EEF1A1: variants seen among roughly 807,000 people sequenced by gnomAD.
The protein encoded by EEF1A1 is elongation factor 1-alpha 1.
In EEF1A1, 1 loss-of-function variant was observed where a neutral mutation model predicts 38.5. That is an observed-to-expected ratio of 0.03 (90% CI 0.01 to 0.12). The LOEUF is 0.12. EEF1A1 is among the 10% of genes least tolerant of loss of function. The probability of loss-of-function intolerance (pLI) is 1.00; values close to 1 mark genes in which losing one functional copy is unlikely to be tolerated. For synonymous variants in EEF1A1, 229 were observed against 203.7 expected (o/e 1.12, Z -1.06); for missense variants, 184 against 588.3 (o/e 0.31, Z 7.11).
intron 1 of EEF1A1, chr6:73,520,283 G>A (rs778364666): frequency 2.9e-5 from 12 of 419,402 alleles, no homozygotes; most frequent in Admixed American, 4.2e-5. Context: ...GTGCCTGGAC[G>A]GCGCCCGGTA....
chr6:73,520,105 G>A, intron 1 of EEF1A1, 49 bp from the exon 2 acceptor site: 3 of 1,520,822 alleles, frequency 2.0e-6, no homozygotes, highest in Non-Finnish European at 2.6e-6. Flanking sequence ...GCTTGAGAAT[G>A]AACCAAGATC....
chr6:73,519,661 A>G (rs1235372999), intron 2 of EEF1A1, 145 bp from the exon 3 acceptor site: 5 of 1,180,242 alleles, frequency 4.2e-6, no homozygotes, highest in East Asian at 4.7e-5. Flanking sequence ...AGAAGCAACC[A>G]AAAATCAAAC....
At chr6:73,519,721 A>G (rs1362491711) in intron 2 of EEF1A1, among the ~76,000 whole-genome samples, 162 bp downstream of exon 2, 1 of 152,208 alleles carries the variant, frequency 6.6e-6, no homozygotes, top group Admixed American at 6.5e-5. Context: ...CTCACTAGCA[A>G]TACGATTACA....
In EEF1A1 at chr6:73,519,240, G is replaced by T. The variant is rs776665070; in HGVS notation, c.325-12C>A. On this transcript the variant is annotated splice_polypyrimidine_tract_variant and intron_variant, in intron 3 of 7. Coordinates refer to ENST00000309268, the MANE Select transcript of EEF1A1 (RefSeq NM_001402.6). ...ACAGCACAGTCAGCCTTTAAAGAAA[G>T]CAAAGACATATCCCTGTCAACTCTC... 2.6e-5 allele frequency: 41 copies of T among 1,607,618 alleles called. No homozygotes were observed. Among genetic ancestry groups the T allele is most frequent in the Non-Finnish European group, 3.5e-5 (41 of 1,177,666 alleles).
chr6:73,520,106 A>G, intron 1 of EEF1A1, 50 bp from the exon 2 acceptor site: 1 of 1,519,130 alleles, frequency 6.6e-7, no homozygotes, highest in Non-Finnish European at 8.8e-7. Flanking sequence ...CTTGAGAATG[A>G]ACCAAGATCC....
intron 2 of EEF1A1, 85 bp downstream of exon 2, chr6:73,519,798 C>G (rs1356316897): frequency 3.2e-6 from 5 of 1,568,496 alleles, no homozygotes; most frequent in Non-Finnish European, 3.5e-6. Flanking sequence ...ATCTAAACCA[C>G]TCACTAGTTC....
Position 73,517,613 on chromosome 6 carries a change from TA to T in EEF1A1, c.*196del, listed in dbSNP as rs1229217912. Reference sequence around the variant, plus strand: ...GTACTGATTTTAAAAACTAATAACTTAAAACTGCCACACGCAAAAAAGAAAA... The same window carrying T: ...GTACTGATTTTAAAAACTAATAACTTAAACTGCCACACGCAAAAAAGAAAA... On this transcript the variant is annotated 3_prime_UTR_variant, in exon 8 of 8. Transcript: ENST00000309268. 1.0e-4 allele frequency: 46 copies of T among 443,788 alleles called. No individual in the cohort carries two copies. In the Admixed American group the frequency reaches 1.5e-3, roughly 14 times the overall value. 27.5% of individuals were successfully genotyped at this position (443,788 alleles called of 1,614,324 possible).
At position 73,518,627 on chromosome 6, in the gene EEF1A1, C is replaced by T. The variant is rs913109355; in HGVS notation, c.773-17G>A. The T allele has an allele frequency of 6.2e-7, 1 of 1,612,994 alleles. No individual in the cohort carries two copies. The highest frequency in any genetic ancestry group is 1.7e-5 in the Admixed American group (1 of 59,976). ...TACCAATACCTAAAAATATTTACAG[C>T]ATACTAAATACCTATGAAGGCAGAC... On this transcript the variant is annotated splice_polypyrimidine_tract_variant and intron_variant, in intron 5 of 7. Transcript: ENST00000309268.
rs1765592094 is a variant in EEF1A1 at position 73,519,184 on chromosome 6, A to G, written c.369T>C (p.Phe123=). ...GCCCATTCTTGGAGATACCAGCTTC[A>G]AATTCACCAACACCAGCAGCAACAA... ...VLIVAAGVGE[F]EAGISKNGQT... The change falls in exon 4 of 8, where the codon TTT becomes TTC. Residue 123 remains phenylalanine, a synonymous_variant. Coordinates refer to ENST00000309268, the MANE Select transcript of EEF1A1 (RefSeq NM_001402.6). 1.3e-6 allele frequency: 2 copies of G among 1,598,462 alleles called. No homozygotes were observed. Among genetic ancestry groups the G allele is most frequent in the Non-Finnish European group, 1.7e-6 (2 of 1,176,804 alleles).
intron 2 of EEF1A1, 133 bp from the exon 3 acceptor site, chr6:73,519,649 A>G (rs1224699407): frequency 6.7e-6 from 8 of 1,202,896 alleles, no homozygotes; most frequent in Non-Finnish European, 9.2e-6. Context: ...ACTTTGGGTT[A>G]CAGAAGCAAC....
At position 73,516,569 on chromosome 6, in the gene EEF1A1, C is replaced by A. The variant is rs1765519593; in HGVS notation, c.*1241G>T. ...TTTTGCCATTGCATTCTAGCCTGGG[C>A]AACAAGAACTCCATCTTAAAAAAAA... is the stretch of plus-strand genomic sequence containing the variant. On this transcript the variant is annotated 3_prime_UTR_variant, in exon 8 of 8. Transcript: ENST00000309268. The A allele has an allele frequency of 1.3e-5, 2 of 152,020 alleles. 1 individual carries two copies. Among genetic ancestry groups the A allele is most frequent in the Admixed American group, 1.3e-4 (2 of 15,264 alleles). The allele number at this position is 152,020 out of a possible 1,614,324, so 9.4% of individuals were successfully genotyped here. A position where few individuals can be genotyped will look rare whatever the true frequency, so the allele number is the denominator to read the frequency against.
chr6:73,520,741 AT>A (rs1215008344), intron 1 of EEF1A1: 4 of 152,376 alleles, frequency 2.6e-5, no homozygotes. Flanking sequence ...CTAGAGACTT[AT>A]CGAAAGCAGC....
chr6:73,520,103 AT>A, intron 1 of EEF1A1, 47 bp from the exon 2 acceptor site: 2 of 1,523,536 alleles, frequency 1.3e-6, no homozygotes, highest in Non-Finnish European at 1.7e-6. Flanking sequence ...AGGCTTGAGA[AT>A]GAACCAAGAT....
At position 73,517,608 on chromosome 6, in the gene EEF1A1, T is replaced by C. The variant is rs1223221170; in HGVS notation, c.*202A>G. 3 of 436,106 alleles carry C rather than the reference T, an allele frequency of 6.9e-6. No homozygotes were observed. Among genetic ancestry groups the C allele is most frequent in the African/African-American group, 2.0e-5 (1 of 49,428 alleles). The allele number at this position is 436,106 out of a possible 1,614,324, so 27.0% of individuals were successfully genotyped here. On this transcript the variant is annotated 3_prime_UTR_variant, in exon 8 of 8. Transcript: ENST00000309268. ...AAAAAGTACTGATTTTAAAAACTAA[T>C]AACTTAAAACTGCCACACGCAAAAA...
chr6:73,519,630 A>T (rs1246063061), intron 2 of EEF1A1, 114 bp from the exon 3 acceptor site: 5 of 1,297,590 alleles, frequency 3.9e-6, no homozygotes, highest in Non-Finnish European at 4.2e-6. Flanking sequence ...GTCCAAAGTG[A>T]TTTTAGTCAC....
rs775257416 is a variant in EEF1A1, at chr6:73,521,004, G to A, written c.-35C>T. 3.3e-5 allele frequency: 5 copies of A among 153,216 alleles called. No individual in the cohort carries two copies. The highest frequency in any genetic ancestry group is 9.6e-5 in the African/African-American group (4 of 41,480). 9.5% of individuals were successfully genotyped at this position (153,216 alleles called of 1,614,324 possible). On this transcript the variant is annotated 5_prime_UTR_variant, in exon 1 of 8. Coordinates refer to ENST00000309268, the MANE Select transcript of EEF1A1 (RefSeq NM_001402.6). ...GGAACCACACACGGCACTTACCTGTGTTCTGGCGGCAAACCCGTTGCGAAA... is the reference window on the plus strand; with the variant it reads ...GGAACCACACACGGCACTTACCTGTATTCTGGCGGCAAACCCGTTGCGAAA...
At chr6:73,518,655 T>G in intron 5 of EEF1A1, 43 bp downstream of exon 5, 1 of 1,613,218 alleles carries the variant, frequency 6.2e-7, no homozygotes, top group Non-Finnish European at 8.5e-7. Context: ...AGGCAGACAG[T>G]ACTCTATCAA....
rs1293343182 is a variant in EEF1A1 at position 73,518,819 on chromosome 6, G to C, written c.651C>G (p.Thr217=). 1 of 1,614,072 alleles carries C rather than the reference G, an allele frequency of 6.2e-7. No homozygotes were observed. The highest frequency in any genetic ancestry group is 1.1e-5 in the South Asian group (1 of 91,076). The change falls in exon 5 of 8, where the codon ACC becomes ACG. Residue 217 remains threonine (T), a synonymous_variant. Coordinates refer to ENST00000309268, the MANE Select transcript of EEF1A1 (RefSeq NM_001402.6). ...NMPWFKGWKV[T]RKDGNASGTT... is the part of the protein sequence containing the mutation. ...TTCCACTGGCATTGCCATCCTTACG[G>C]GTGACTTTCCATCCCTTGAACCAAG... is the stretch of plus-strand genomic sequence containing the variant.
At chr6:73,519,288 A>C in intron 3 of EEF1A1, 49 bp downstream of exon 3, 6 of 1,607,392 alleles carry the variant, frequency 3.7e-6, no homozygotes, top group Non-Finnish European at 5.1e-6. Flanking sequence ...CCAGTGTACA[A>C]AGCAAGCCTT....
Sources: allele counts gnomAD v4.1 joint callset (sites outside exome capture counted in the v4.1 genomes callset), GRCh38; gene constraint gnomAD v4.1.1; transcripts MANE v1.5; gene names NCBI Gene and HGNC (gene_info 2026-07-23, HGNC 2026-07-21).